The following CABP1 variants were observed in gnomAD, a reference collection of about 807,000 sequenced individuals.
The protein encoded by CABP1 is calcium-binding protein 1.
Under a neutral mutation model 34.3 loss-of-function variants are expected in CABP1, and 17 were observed. That is an observed-to-expected ratio of 0.50 (90% CI 0.34 to 0.74). The LOEUF (loss-of-function observed/expected upper bound fraction) is 0.74, where lower values mean the gene tolerates loss of function less well. Ranked by LOEUF, CABP1 falls within the 30% of genes least tolerant of loss-of-function variation. CABP1 has a pLI of 0.01. For missense variants in CABP1, 373 were observed against 511.1 expected (o/e 0.73, Z 2.61); for synonymous variants, 198 against 229.2 (o/e 0.86, Z 1.23).
At chr12:120,674,473 TC>T in the CABP1 span, among the ~76,000 whole-genome samples, 1 of 152,204 alleles carries the variant, frequency 6.6e-6, no homozygotes, top group Middle Eastern at 3.2e-3. Context: ...GGCTGGAGTA[TC>T]CTTTCATCTC....
At chr12:120,655,946 G>A (rs1880171443) in intron 1 of CABP1, 17 of 1,539,854 alleles carry the variant, frequency 1.1e-5, no homozygotes, top group Non-Finnish European at 1.5e-5. Context: ...CCAATTTGAT[G>A]CCTGTGCACG....
At chr12:120,676,794 C>T in the CABP1 span, among the ~76,000 whole-genome samples, 1 of 152,194 alleles carries the variant, frequency 6.6e-6, no homozygotes, top group Non-Finnish European at 1.5e-5. Flanking sequence ...TGTCTTTACA[C>T]CTCATTTCCA....
the CABP1 span, among the ~76,000 whole-genome samples, chr12:120,679,961 C>G: frequency 6.6e-6 from 1 of 152,198 alleles, no homozygotes; most frequent in Admixed American, 6.5e-5. Flanking sequence ...CACTTGAGGT[C>G]TGGAGTTTGA....
Position 120,660,107 on chromosome 12 carries a change from C to T in CABP1, c.686-89C>T. 6.5e-7 allele frequency: 1 copy of T among 1,534,866 alleles called. No homozygotes were observed. Among genetic ancestry groups the T allele is most frequent in the Non-Finnish European group, 8.9e-7 (1 of 1,124,018 alleles). On this transcript the variant is annotated intron_variant, in intron 2 of 5. Transcript: ENST00000316803. This position sits in a 1 kb window ranked among gnomAD's most constrained non-coding sequence, Gnocchi z 5.0. ...CTGGGAAGCTCCTGGGCCTCTCTTT[C>T]CATGCCGGTGGGCCTTTGGGCTGCC...
chr12:120,672,672 C>T, the CABP1 span, among the ~76,000 whole-genome samples: 1 of 148,016 alleles, frequency 6.8e-6, no homozygotes, highest in South Asian at 2.1e-4. Context: ...AAAAAGTGGG[C>T]CTGACTAAAT....
the CABP1 span, among the ~76,000 whole-genome samples, chr12:120,673,681 G>A: frequency 2.6e-5 from 4 of 152,130 alleles, no homozygotes; most frequent in South Asian, 2.1e-4. Context: ...TATCAGCCGC[G>A]TCATCTTGGG....
chr12:120,665,813 A>G (rs1263621030), intron 5 of CABP1, among the ~76,000 whole-genome samples: 1 of 150,438 alleles, frequency 6.6e-6, no homozygotes, highest in Non-Finnish European at 1.5e-5. Flanking sequence ...CGAGGTCAGG[A>G]GATCGAGACC....
At position 120,667,152 on chromosome 12, in the gene CABP1, G is replaced by A; in HGVS notation, c.*252G>A. The A allele has an allele frequency of 5.2e-6, 3 of 577,494 alleles. No homozygotes were observed. The South Asian group carries it at 6.2e-5, about 12-fold the overall frequency. The allele number at this position is 577,494 out of a possible 1,614,324, so 35.8% of individuals were successfully genotyped here. A position where few individuals can be genotyped will look rare whatever the true frequency, so the allele number is the denominator to read the frequency against. Reference sequence around the variant, plus strand: ...GCCAAGCCGGCAGAGGTCATGCCAGGCGCCAAGGGCCATGTGCCCAGCTGC... The same window carrying A: ...GCCAAGCCGGCAGAGGTCATGCCAGACGCCAAGGGCCATGTGCCCAGCTGC... On this transcript the variant is annotated 3_prime_UTR_variant, in exon 6 of 6. Coordinates refer to ENST00000316803, the MANE Select transcript of CABP1 (RefSeq NM_001033677.2).
chr12:120,669,962 T>G (rs528499119), downstream of CABP1, among the ~76,000 whole-genome samples: 3 of 151,922 alleles, frequency 2.0e-5, no homozygotes, highest in South Asian at 6.2e-4. Flanking sequence ...TTATTTGCTT[T>G]TGTTTTTTGT....
At chr12:120,649,046 G>GC (rs1162348108) in intron 1 of CABP1, among the ~76,000 whole-genome samples, 2 of 150,622 alleles carry the variant, frequency 1.3e-5, no homozygotes, top group African/African-American at 2.4e-5. Context: ...ATCAATACCC[G>GC]CCCCCCAGGC....
At position 120,661,520 on chromosome 12, in the gene CABP1, T is replaced by C; in HGVS notation, c.1087+302T>C. On this transcript the variant is annotated intron_variant, in intron 5 of 5. Coordinates refer to ENST00000316803, the MANE Select transcript of CABP1 (RefSeq NM_001033677.2). The surrounding 1 kb of genome is among the most constrained non-coding windows in gnomAD (Gnocchi z 5.1). ...TCCACCATCCATCCATCCATCCATTTATCTACCCATCTATCCATCCATCCA... is the reference window on the plus strand; with the variant it reads ...TCCACCATCCATCCATCCATCCATTCATCTACCCATCTATCCATCCATCCA... The C allele has an allele frequency of 3.1e-6, 1 of 317,846 alleles. No individual in the cohort carries two copies. Among genetic ancestry groups the C allele is most frequent in the Non-Finnish European group, 5.9e-6 (1 of 170,458 alleles). 19.7% of individuals were successfully genotyped at this position (317,846 alleles called of 1,614,324 possible).
At position 120,652,690 on chromosome 12, in the gene CABP1, C is replaced by T. The variant is rs551288125; in HGVS notation, c.655-7188C>T. On this transcript the variant is annotated intron_variant, in intron 1 of 5. Transcript: ENST00000316803. The stretch of plus-strand genomic sequence containing the variant: ...AATTCCCGCTCAGCGCATCAGTCCC[C>T]TCCCCGCTCACCAGGCACTCCCTCA... Among the ~76,000 whole-genome samples, 14 of 152,316 alleles carry T rather than the reference C, an allele frequency of 9.2e-5. No homozygotes were observed. The South Asian group carries it at 2.9e-3, about 32-fold the overall frequency.
the CABP1 span, among the ~76,000 whole-genome samples, chr12:120,677,105 T>C: frequency 3.0e-5 from 4 of 135,404 alleles, no homozygotes; most frequent in Admixed American, 1.5e-4. Flanking sequence ...TTTTTTTTCC[T>C]GAGATAGAGT....
At chr12:120,675,798 A>G in the CABP1 span, among the ~76,000 whole-genome samples, 1 of 152,102 alleles carries the variant, frequency 6.6e-6, no homozygotes, top group Non-Finnish European at 1.5e-5. Flanking sequence ...TGTATCAGGC[A>G]GGCACAGTGG....
chr12:120,662,273 T>G (rs1415062942), intron 5 of CABP1: 1 of 152,258 alleles, frequency 6.6e-6, no homozygotes, highest in East Asian at 1.9e-4. Flanking sequence ...TCATTCACAC[T>G]CCACCAAAAT....
intron 5 of CABP1, among the ~76,000 whole-genome samples, chr12:120,664,899 G>A (rs1028190598): frequency 2.0e-5 from 3 of 149,152 alleles, no homozygotes; most frequent in Non-Finnish European, 4.5e-5. Context: ...AAAAGAGAGA[G>A]AGAGAGATGA....
chr12:120,646,875 C>T (rs7965649), intron 1 of CABP1, among the ~76,000 whole-genome samples: 24,656 of 152,120 alleles, frequency 0.16, 2,134 homozygotes, highest in South Asian at 0.27. Context: ...CCTATCTGCC[C>T]GGCTCAAGTT....
In CABP1 at chr12:120,667,110, G is replaced by C; in HGVS notation, c.*210G>C. On this transcript the variant is annotated 3_prime_UTR_variant, in exon 6 of 6. Coordinates refer to ENST00000316803, the MANE Select transcript of CABP1 (RefSeq NM_001033677.2). Reference sequence around the variant, plus strand: ...CAACTGGAAAGCGGGGGCGCCCGCCGACGAGGAGGCCACCGTGCCAAGCCG... The same window carrying C: ...CAACTGGAAAGCGGGGGCGCCCGCCCACGAGGAGGCCACCGTGCCAAGCCG... The C allele has an allele frequency of 3.4e-6, 2 of 592,734 alleles. No homozygotes were observed. Among genetic ancestry groups the C allele is most frequent in the East Asian group, 5.9e-5 (2 of 33,840 alleles). 36.7% of individuals were successfully genotyped at this position (592,734 alleles called of 1,614,324 possible).
At chr12:120,677,232 C>T in the CABP1 span, among the ~76,000 whole-genome samples, 7 of 151,388 alleles carry the variant, frequency 4.6e-5, no homozygotes, top group South Asian at 2.1e-4. Flanking sequence ...GGACCACAGG[C>T]GCCTGCCACC....
Sources: gnomAD v4.1 joint callset for allele counts (sites outside exome capture counted in the v4.1 genomes callset) on GRCh38, gnomAD v4.1.1 for gene constraint, Gnocchi (gnomAD v3.1) non-coding constraint, MANE v1.5 for transcripts, NCBI Gene and HGNC (gene_info 2026-07-23, HGNC 2026-07-21) for gene names.